Variants in PPFIA2 observed in about 807,000 individuals in gnomAD.
PPFIA2 encodes the protein PPFI scaffold protein A2.
Under a neutral mutation model 175.5 loss-of-function variants are expected in PPFIA2, and 46 were observed. The observed-to-expected ratio is 0.26, with a 90% CI of 0.21 to 0.34. PPFIA2 has a LOEUF of 0.34. Ranked by LOEUF, PPFIA2 falls within the 10% of genes least tolerant of loss-of-function variation. The probability of loss-of-function intolerance (pLI) is 1.00; values close to 1 mark genes in which losing one functional copy is unlikely to be tolerated. For synonymous variants in PPFIA2, 568 were observed against 511.4 expected (o/e 1.11, Z -1.49); for missense variants, 1,179 against 1,506.1 (o/e 0.78, Z 3.60).
intron 3 of PPFIA2, among the ~76,000 whole-genome samples, chr12:81,708,794 T>C (rs2077526270): frequency 6.6e-6 from 1 of 152,164 alleles, no homozygotes; most frequent in Non-Finnish European, 1.5e-5. Context: ...TAATGGAAGA[T>C]GTCTGCTAAT....
intron 3 of PPFIA2, among the ~76,000 whole-genome samples, chr12:81,710,448 T>C (rs1196588487): frequency 6.6e-6 from 1 of 152,104 alleles, no homozygotes; most frequent in Non-Finnish European, 1.5e-5. Context: ...CAAGAAGTTT[T>C]AAATTTTGTT....
intron 29 of PPFIA2, among the ~76,000 whole-genome samples, chr12:81,267,475 T>C (rs1334955141): frequency 6.6e-6 from 1 of 152,178 alleles, no homozygotes; most frequent in African/African-American, 2.4e-5. Flanking sequence ...CTTAGGACTA[T>C]GATGTGGGTT....
At chr12:81,581,148 CTTT>C (rs5799542) in intron 4 of PPFIA2, among the ~76,000 whole-genome samples, 3 of 139,594 alleles carry the variant, frequency 2.1e-5, no homozygotes, top group African/African-American at 5.3e-5. Flanking sequence ...GTCATAGACA[CTTT>C]TTTTTTTTTT....
At chr12:81,565,769 C>A (rs190837707) in intron 4 of PPFIA2, among the ~76,000 whole-genome samples, 2 of 152,260 alleles carry the variant, frequency 1.3e-5, no homozygotes, top group Admixed American at 1.3e-4. Context: ...ATAAGGAAAT[C>A]AAATGCCTAG....
intron 14 of PPFIA2, among the ~76,000 whole-genome samples, chr12:81,364,294 C>A (rs1377445850): frequency 6.6e-6 from 1 of 151,692 alleles, no homozygotes; most frequent in African/African-American, 2.4e-5. Flanking sequence ...GAATGGTAGT[C>A]CTAAAAGAGG....
At chr12:81,631,207 C>A (rs1003422697) in intron 4 of PPFIA2, among the ~76,000 whole-genome samples, 1 of 151,972 alleles carries the variant, frequency 6.6e-6, no homozygotes, top group South Asian at 2.1e-4. Flanking sequence ...GAAAGTCTAT[C>A]AAATTTTTTA....
intron 5 of PPFIA2, among the ~76,000 whole-genome samples, chr12:81,453,691 T>C (rs532337838): frequency 6.6e-6 from 1 of 152,296 alleles, no homozygotes; most frequent in Admixed American, 6.5e-5. Flanking sequence ...ATTATAATGA[T>C]TTTATTAGGA....
At chr12:81,533,165 T>C (rs1384537627) in intron 4 of PPFIA2, among the ~76,000 whole-genome samples, 1 of 151,680 alleles carries the variant, frequency 6.6e-6, no homozygotes, top group African/African-American at 2.4e-5. Context: ...TTAACCATGA[T>C]GGAAAGGGCA....
chr12:81,421,318 A>G (rs1674823782), intron 7 of PPFIA2, among the ~76,000 whole-genome samples: 1 of 152,104 alleles, frequency 6.6e-6, no homozygotes, highest in South Asian at 2.1e-4. Flanking sequence ...TAATCCTACT[A>G]TAAAGGTTAG....
intron 4 of PPFIA2, among the ~76,000 whole-genome samples, chr12:81,560,029 A>G (rs1039878291): frequency 6.6e-6 from 1 of 152,178 alleles, no homozygotes; most frequent in Admixed American, 6.5e-5. Flanking sequence ...AAGAGCTATG[A>G]GCCTTCTTTC....
At chr12:81,705,549 A>T (rs2153607040) in intron 3 of PPFIA2, among the ~76,000 whole-genome samples, 1 of 152,268 alleles carries the variant, frequency 6.6e-6, no homozygotes, top group South Asian at 2.1e-4. Context: ...GAAGGAAGGA[A>T]GATAATCCTA....
intron 4 of PPFIA2, among the ~76,000 whole-genome samples, chr12:81,647,874 A>G (rs914382133): frequency 9.5e-4 from 135 of 142,690 alleles, no homozygotes; most frequent in African/African-American, 3.4e-3. Flanking sequence ...TATAATATAT[A>G]TTATATATAT....
At chr12:81,738,078 C>A (rs2081860083) in intron 3 of PPFIA2, among the ~76,000 whole-genome samples, 1 of 150,676 alleles carries the variant, frequency 6.6e-6, no homozygotes, top group Non-Finnish European at 1.5e-5. Flanking sequence ...AGTAAAACTT[C>A]TTGTAAAGAA....
At chr12:81,442,526 T>A (rs2050362845) in intron 6 of PPFIA2, among the ~76,000 whole-genome samples, 2 of 151,916 alleles carry the variant, frequency 1.3e-5, no homozygotes, top group African/African-American at 4.8e-5. Flanking sequence ...ATGTTATTTT[T>A]AAATAGTCAA....
chr12:81,641,003 T>C (rs1327583161), intron 4 of PPFIA2, among the ~76,000 whole-genome samples: 1 of 152,114 alleles, frequency 6.6e-6, no homozygotes, highest in East Asian at 1.9e-4. Flanking sequence ...CACATATTTA[T>C]AGGATACATG....
At chr12:81,518,147 T>C (rs1485827442) in intron 4 of PPFIA2, among the ~76,000 whole-genome samples, 7 of 152,154 alleles carry the variant, frequency 4.6e-5, no homozygotes, top group Admixed American at 4.6e-4. Context: ...ATTTACTTCC[T>C]TAAAGATTTT....
chr12:81,707,498 C>T (rs1325403166), intron 3 of PPFIA2, among the ~76,000 whole-genome samples: 1 of 151,856 alleles, frequency 6.6e-6, no homozygotes, highest in Non-Finnish European at 1.5e-5. Flanking sequence ...GTTAGAATGG[C>T]AATCATTAAA....
chr12:81,621,839 A>G (rs957524705), intron 4 of PPFIA2, among the ~76,000 whole-genome samples: 1 of 152,150 alleles, frequency 6.6e-6, no homozygotes, highest in African/African-American at 2.4e-5. Flanking sequence ...ATATACATGG[A>G]GATGTCAAGT....
chr12:81,389,023 C>T (rs1057340594), intron 8 of PPFIA2, among the ~76,000 whole-genome samples: 2 of 151,556 alleles, frequency 1.3e-5, no homozygotes, highest in African/African-American at 4.8e-5. Flanking sequence ...CACACAGATT[C>T]GCTGTTCTGG....
Sources: allele counts gnomAD v4.1 joint callset (sites outside exome capture counted in the v4.1 genomes callset), GRCh38; gene constraint gnomAD v4.1.1; transcripts MANE v1.5; gene names NCBI Gene and HGNC (gene_info 2026-07-23, HGNC 2026-07-21).